Variants in DVL3 observed in about 807,000 individuals in gnomAD.
The protein encoded by DVL3 is segment polarity protein dishevelled homolog DVL-3.
A neutral mutation model predicts 67.4 loss-of-function variants in DVL3; 27 were observed. The ratio of observed to expected loss-of-function variants is 0.40; its 90% CI spans 0.30 to 0.55. The LOEUF (loss-of-function observed/expected upper bound fraction) is 0.55. Ranked by LOEUF, DVL3 falls within the 20% of genes least tolerant of loss-of-function variation. DVL3 has a pLI of 0.46. For synonymous variants in DVL3, 369 were observed against 396.8 expected (o/e 0.93, Z 0.83); for missense variants, 819 against 1,021.5 (o/e 0.80, Z 2.70).
chr3:184,170,508 G>A lies in DVL3; in HGVS notation c.1904G>A (p.Arg635His), dbSNP rs751161589. 6 of 1,604,584 alleles carry A rather than the reference G, an allele frequency of 3.7e-6. No individual in the cohort carries two copies. Among genetic ancestry groups the A allele is most frequent in the Admixed American group, 3.4e-5 (2 of 58,824 alleles). ...SGPAASEHSH[R>H]SHHSLASSLR... is the part of the protein sequence containing the mutation. ...CCGGCGGCCAGCGAGCACAGCCACC[G>A]CAGCCACCATTCCCTGGCCAGCAGC... is the stretch of plus-strand genomic sequence containing the variant. Residue 635 changes from arginine to histidine, a missense_variant, in exon 15 of 15, where the codon CGC becomes CAC. Arg to His is a conservative substitution (Grantham distance 29, BLOSUM62 0). Transcript: ENST00000313143. The surrounding 1 kb of genome is among the most constrained non-coding windows in gnomAD (Gnocchi z 6.5).
Position 184,166,213 on chromosome 3 carries a change from G to C in DVL3, c.851G>C (p.Gly284Ala). 6.2e-7 allele frequency: 1 copy of C among 1,613,432 alleles called. No individual in the cohort carries two copies. Among genetic ancestry groups the C allele is most frequent in the Middle Eastern group, 1.7e-4 (1 of 6,058 alleles). The change falls in exon 8 of 15, where the codon GGT becomes GCT. Residue 284 changes from glycine (G) to alanine (A), a missense_variant. Physicochemically the swap from Gly to Ala is moderately conservative, Grantham distance 60. Coordinates refer to ENST00000313143, the MANE Select transcript of DVL3 (RefSeq NM_004423.4). This position sits in a 1 kb window ranked among gnomAD's most constrained non-coding sequence, Gnocchi z 6.7. ...ATCTACATTGGCTCTATCATGAAGG[G>C]TGGGGCCGTGGCTGCTGATGGACGC... ...GGIYIGSIMKGGAVAADGRIE... is the reference protein window; with the variant it reads ...GGIYIGSIMKAGAVAADGRIE...
In DVL3 at chr3:184,163,927, A is replaced by G. The variant is rs971214413; in HGVS notation, c.231+201A>G. ...ATTAGTGGGAAGGGGGAAGAGGGAG[A>G]GACGGAAACACACAGTGGAGACAGT... On this transcript the variant is annotated intron_variant, in intron 2 of 14. Coordinates refer to ENST00000313143, the MANE Select transcript of DVL3 (RefSeq NM_004423.4). The surrounding 1 kb of genome is among the most constrained non-coding windows in gnomAD (Gnocchi z 4.5). 6.6e-6 allele frequency among the ~76,000 whole-genome samples: 1 copy of G among 152,166 alleles called. No homozygotes were observed. Among genetic ancestry groups the G allele is most frequent in the African/African-American group, 2.4e-5 (1 of 41,418 alleles).
At chr3:184,161,448 A>G (rs1714379553) in intron 1 of DVL3, among the ~76,000 whole-genome samples, 1 of 151,170 alleles carries the variant, frequency 6.6e-6, no homozygotes, top group Non-Finnish European at 1.5e-5. Flanking sequence ...ACCAAAGAAC[A>G]AGTGGGGACT....
chr3:184,171,060 G>A lies in DVL3; in HGVS notation c.*305G>A, dbSNP rs1199876636. Reference sequence around the variant, plus strand: ...TTGGTGCTACCCCTTACTCCCCTCTGCAACCCCCATTTTGGGAGTTGACCC... The same window carrying A: ...TTGGTGCTACCCCTTACTCCCCTCTACAACCCCCATTTTGGGAGTTGACCC... On this transcript the variant is annotated 3_prime_UTR_variant, in exon 15 of 15. Coordinates refer to ENST00000313143, the MANE Select transcript of DVL3 (RefSeq NM_004423.4). The A allele has an allele frequency of 1.6e-6, 2 of 1,286,918 alleles. No homozygotes were observed. The highest frequency in any genetic ancestry group is 2.0e-6 in the Non-Finnish European group (2 of 1,006,876). 79.7% of individuals were successfully genotyped at this position (1,286,918 alleles called of 1,614,324 possible).
intron 1 of DVL3, among the ~76,000 whole-genome samples, chr3:184,160,324 G>A (rs896639397): frequency 1.3e-5 from 2 of 152,058 alleles, no homozygotes; most frequent in African/African-American, 2.4e-5. Flanking sequence ...TAATGTATAC[G>A]TAGTTAGAAA....
At position 184,170,688 on chromosome 3, in the gene DVL3, C is replaced by T; in HGVS notation, c.2084C>T (p.Thr695Ile). The T allele has an allele frequency of 6.2e-7, 1 of 1,613,776 alleles. No individual in the cohort carries two copies. The highest frequency in any genetic ancestry group is 8.5e-7 in the Non-Finnish European group (1 of 1,179,896). ...CTGGCCTCAGTGCCCCCGGAACTGA[C>T]CGCCAGCAGACAGTCCTTCCGCATG... is the stretch of plus-strand genomic sequence containing the variant. ...RDLASVPPEL[T>I]ASRQSFRMAM... The change falls in exon 15 of 15, where the codon ACC becomes ATC. Residue 695 changes from threonine (T) to isoleucine (I), a missense_variant. Coordinates refer to ENST00000313143, the MANE Select transcript of DVL3 (RefSeq NM_004423.4). The surrounding 1 kb of genome is among the most constrained non-coding windows in gnomAD (Gnocchi z 6.5).
At position 184,163,762 on chromosome 3, in the gene DVL3, C is replaced by T. The variant is rs1259428731; in HGVS notation, c.231+36C>T. On this transcript the variant is annotated intron_variant, in intron 2 of 14. Transcript: ENST00000313143. The surrounding 1 kb of genome is among the most constrained non-coding windows in gnomAD (Gnocchi z 4.5). ...CTCAGCCTTCCATCCACCTGCATCCCTGTGCTGGGCTGGACGAGGGAAAGG... is the reference window on the plus strand; with the variant it reads ...CTCAGCCTTCCATCCACCTGCATCCTTGTGCTGGGCTGGACGAGGGAAAGG... 6.3e-7 allele frequency: 1 copy of T among 1,579,022 alleles called. No individual in the cohort carries two copies. The highest frequency in any genetic ancestry group is 8.7e-7 in the Non-Finnish European group (1 of 1,148,546).
In DVL3 at chr3:184,164,412, A is replaced by G; in HGVS notation, c.353+24A>G. 6.2e-7 allele frequency: 1 copy of G among 1,611,006 alleles called. No homozygotes were observed. Among genetic ancestry groups the G allele is most frequent in the Non-Finnish European group, 8.5e-7 (1 of 1,178,340 alleles). ...CAGTGAGTGTGACCTGAGGGTGGGG[A>G]GGGCCGCATCAGTTCAGCCCAGGGC... On this transcript the variant is annotated intron_variant, in intron 3 of 14. Coordinates refer to ENST00000313143, the MANE Select transcript of DVL3 (RefSeq NM_004423.4). The surrounding 1 kb of genome is among the most constrained non-coding windows in gnomAD (Gnocchi z 5.3).
At position 184,171,059 on chromosome 3, in the gene DVL3, T is replaced by A; in HGVS notation, c.*304T>A. 2 of 1,279,606 alleles carry A rather than the reference T, an allele frequency of 1.6e-6. No homozygotes were observed. The highest frequency in any genetic ancestry group is 1.0e-6 in the Non-Finnish European group (1 of 1,001,740). The allele number at this position is 1,279,606 out of a possible 1,614,324, so 79.3% of individuals were successfully genotyped here. ...GTTGGTGCTACCCCTTACTCCCCTCTGCAACCCCCATTTTGGGAGTTGACC... is the reference window on the plus strand; with the variant it reads ...GTTGGTGCTACCCCTTACTCCCCTCAGCAACCCCCATTTTGGGAGTTGACC... On this transcript the variant is annotated 3_prime_UTR_variant, in exon 15 of 15. Transcript: ENST00000313143.
In DVL3 at chr3:184,171,285, GC is replaced by G. The variant is rs752429670; in HGVS notation, c.*531del. 21 of 1,039,564 alleles carry G rather than the reference GC, an allele frequency of 2.0e-5. No individual in the cohort carries two copies. Among genetic ancestry groups the G allele is most frequent in the Non-Finnish European group, 2.2e-5 (19 of 864,260 alleles). 64.4% of individuals were successfully genotyped at this position (1,039,564 alleles called of 1,614,324 possible). On this transcript the variant is annotated 3_prime_UTR_variant, in exon 15 of 15. Coordinates refer to ENST00000313143, the MANE Select transcript of DVL3 (RefSeq NM_004423.4). The stretch of plus-strand genomic sequence containing the variant: ...GCCCCTACTAACCATCCCCCTGCCT[GC>G]TGCCTCAGTCCTGCAACCTAAAGCT...
At position 184,166,820 on chromosome 3, in the gene DVL3, C is replaced by T; in HGVS notation, c.1049-6C>T. 2 of 1,613,906 alleles carry T rather than the reference C, an allele frequency of 1.2e-6. No homozygotes were observed. Among genetic ancestry groups the T allele is most frequent in the East Asian group, 4.5e-5 (2 of 44,882 alleles). On this transcript the variant is annotated splice_polypyrimidine_tract_variant and splice_region_variant and intron_variant, in intron 10 of 14. Transcript: ENST00000313143. This position sits in a 1 kb window ranked among gnomAD's most constrained non-coding sequence, Gnocchi z 6.7. ...GGTAGCCCATGACTCCTCATCCTCC[C>T]TGCAGGCGAGCCCATCCGGCCCATT...
Position 184,170,695 on chromosome 3 carries a change from C to T in DVL3, c.2091C>T (p.Ser697=). 6.2e-7 allele frequency: 1 copy of T among 1,613,864 alleles called. No homozygotes were observed. Among genetic ancestry groups the T allele is most frequent in the South Asian group, 1.1e-5 (1 of 91,072 alleles). The change falls in exon 15 of 15, where the codon AGC becomes AGT. Residue 697 remains serine (S), a synonymous_variant. Coordinates refer to ENST00000313143, the MANE Select transcript of DVL3 (RefSeq NM_004423.4). This position sits in a 1 kb window ranked among gnomAD's most constrained non-coding sequence, Gnocchi z 6.5. The part of the protein sequence containing the change: ...LASVPPELTA[S]RQSFRMAMGN... ...CAGTGCCCCCGGAACTGACCGCCAGCAGACAGTCCTTCCGCATGGCCATGG... is the reference window on the plus strand; with the variant it reads ...CAGTGCCCCCGGAACTGACCGCCAGTAGACAGTCCTTCCGCATGGCCATGG...
At chr3:184,168,569 C>T (rs73185723) in intron 13 of DVL3, among the ~76,000 whole-genome samples, 16,363 of 152,248 alleles carry the variant, frequency 0.11, 1,188 homozygotes, top group Non-Finnish European at 0.16. Context: ...ACTCCCCATG[C>T]TGGCTGCTGG....
intron 13 of DVL3, among the ~76,000 whole-genome samples, chr3:184,169,512 T>C (rs921099438): frequency 4.6e-5 from 7 of 151,850 alleles, no homozygotes; most frequent in African/African-American, 1.7e-4. Flanking sequence ...CTGGCTAACG[T>C]GGCAAAACCC....
Position 184,170,524 on chromosome 3 carries a change from G to C in DVL3, c.1920G>C (p.Leu640=), listed in dbSNP as rs1469081644. Residue 640 remains leucine, a synonymous_variant, in exon 15 of 15, where the codon CTG becomes CTC. Transcript: ENST00000313143. The surrounding 1 kb of genome is among the most constrained non-coding windows in gnomAD (Gnocchi z 6.5). Reference sequence around the variant, plus strand: ...ACAGCCACCGCAGCCACCATTCCCTGGCCAGCAGCCTTCGCAGCCACCACA... The same window carrying C: ...ACAGCCACCGCAGCCACCATTCCCTCGCCAGCAGCCTTCGCAGCCACCACA... The part of the protein sequence containing the change: ...SEHSHRSHHS[L]ASSLRSHHTH... The C allele has an allele frequency of 6.2e-7, 1 of 1,609,826 alleles. No homozygotes were observed. Among genetic ancestry groups the C allele is most frequent in the Admixed American group, 1.7e-5 (1 of 59,612 alleles).
chr3:184,170,759 G>A lies in DVL3; in HGVS notation c.*4G>A, dbSNP rs753597614. On this transcript the variant is annotated 3_prime_UTR_variant, in exon 15 of 15. Transcript: ENST00000313143. This position sits in a 1 kb window ranked among gnomAD's most constrained non-coding sequence, Gnocchi z 6.5. ...GTTCTTTGTGGATGTGATGTGAGCA[G>A]GGCCCCTCCCCCAGCTCCATTCCGC... is the stretch of plus-strand genomic sequence containing the variant. The A allele has an allele frequency of 5.0e-6, 8 of 1,612,780 alleles. No individual in the cohort carries two copies. In the East Asian group the frequency reaches 6.7e-5, roughly 13 times the overall value.
In DVL3 at chr3:184,164,370, C is replaced by T. The variant is rs1714487997; in HGVS notation, c.335C>T (p.Ser112Phe). ...PMERTGGIGD[S>F]RPPSFHPHAG... ...GAGCGCACGGGAGGCATCGGGGACT[C>T]CCGACCCCCATCCTTCCAGTGAGTG... Residue 112 changes from serine to phenylalanine, a missense_variant, in exon 3 of 15, where the codon TCC (serine) becomes TTC (phenylalanine). Transcript: ENST00000313143. The surrounding 1 kb of genome is among the most constrained non-coding windows in gnomAD (Gnocchi z 5.3). The T allele has an allele frequency of 6.2e-7, 1 of 1,613,892 alleles. No individual in the cohort carries two copies. Among genetic ancestry groups the T allele is most frequent in the African/African-American group, 1.3e-5 (1 of 74,904 alleles).
Position 184,165,050 on chromosome 3 carries a change from G to C in DVL3, c.600-63G>C, listed in dbSNP as rs774243099. ...TTGTGTTGGGGACCCAGGCCCTGCA[G>C]TGCCTCCCCTCATGGGGGCAGGGCT... On this transcript the variant is annotated intron_variant, in intron 5 of 14. Coordinates refer to ENST00000313143, the MANE Select transcript of DVL3 (RefSeq NM_004423.4). This position sits in a 1 kb window ranked among gnomAD's most constrained non-coding sequence, Gnocchi z 4.1. 1 of 1,609,798 alleles carries C rather than the reference G, an allele frequency of 6.2e-7. No individual in the cohort carries two copies. The highest frequency in any genetic ancestry group is 1.1e-5 in the South Asian group (1 of 90,684).
intron 1 of DVL3, among the ~76,000 whole-genome samples, chr3:184,159,083 CTTAAG>C (rs560960593): frequency 2.3e-5 from 1 of 44,242 alleles, no homozygotes; most frequent in African/African-American, 8.9e-5. Context: ...GGCCTGCCAT[CTTAAG>C]TTATTTGAGA....
Sources: allele counts gnomAD v4.1 joint callset (sites outside exome capture counted in the v4.1 genomes callset), GRCh38; gene constraint gnomAD v4.1.1; non-coding constraint Gnocchi (gnomAD v3.1); transcripts MANE v1.5; gene names NCBI Gene and HGNC (gene_info 2026-07-23, HGNC 2026-07-21).